Variants in EDIL3 observed in about 807,000 individuals in gnomAD.
The protein encoded by EDIL3 is EGF-like repeat and discoidin I-like domain-containing protein 3.
EDIL3 carries 37 observed loss-of-function variants against 67.4 expected under a neutral mutation model. The ratio of observed to expected loss-of-function variants is 0.55; its 90% confidence interval spans 0.42 to 0.72. EDIL3 has a LOEUF of 0.72. Among genes scored for constraint, EDIL3 ranks in the 30% least tolerant of loss-of-function variants. The probability of loss-of-function intolerance (pLI) is 0.00; values close to 1 mark genes in which losing one functional copy is unlikely to be tolerated. For missense variants in EDIL3, 527 were observed against 586.3 expected (o/e 0.90, Z 1.04); for synonymous variants, 195 against 196.3 (o/e 0.99, Z 0.05).
intron 4 of EDIL3, among the ~76,000 whole-genome samples, chr5:84,153,797 A>C (rs1217231885): frequency 6.6e-6 from 1 of 152,178 alleles, no homozygotes; most frequent in Non-Finnish European, 1.5e-5. Context: ...TTTGATTTAC[A>C]TTTTACAACA....
At chr5:84,207,665 A>C (rs1235858868) in intron 3 of EDIL3, among the ~76,000 whole-genome samples, 1 of 151,966 alleles carries the variant, frequency 6.6e-6, no homozygotes, top group Non-Finnish European at 1.5e-5. Flanking sequence ...GGCTACAGTA[A>C]CCAAAACAGC....
chr5:84,143,240 A>G (rs1184963358), intron 4 of EDIL3, among the ~76,000 whole-genome samples: 4 of 152,052 alleles, frequency 2.6e-5, no homozygotes, highest in Admixed American at 2.0e-4. Context: ...AGTTTAGTAT[A>G]TATTTGAATC....
At chr5:84,171,167 G>A (rs1274412965) in intron 4 of EDIL3, among the ~76,000 whole-genome samples, 2 of 152,078 alleles carry the variant, frequency 1.3e-5, no homozygotes, top group African/African-American at 2.4e-5. Flanking sequence ...CTGGCAAAAT[G>A]CATCTAACAT....
At chr5:84,355,537 G>C (rs879618102) in intron 1 of EDIL3, among the ~76,000 whole-genome samples, 8 of 151,974 alleles carry the variant, frequency 5.3e-5, no homozygotes, top group Non-Finnish European at 1.2e-4. Context: ...TTACCAATCA[G>C]GCCCCTCTGC....
chr5:84,112,875 C>T (rs116639801), intron 5 of EDIL3, among the ~76,000 whole-genome samples: 1,537 of 152,222 alleles, frequency 0.01, 29 homozygotes, highest in African/African-American at 0.036. Flanking sequence ...GGTAAATAAA[C>T]AATACAAATG....
chr5:84,384,860 A>C lies in EDIL3; in HGVS notation c.-486T>G, dbSNP rs1341632425. ...GGGCCGCCGGGAGCGCACTGTGTACAAACAGAGGCGGCGTGCGTGTGAGTC... is the reference window on the plus strand; with the variant it reads ...GGGCCGCCGGGAGCGCACTGTGTACCAACAGAGGCGGCGTGCGTGTGAGTC... On this transcript the variant is annotated 5_prime_UTR_variant, in exon 1 of 11. Transcript: ENST00000296591. The C allele has an allele frequency of 1.3e-5, 2 of 152,266 alleles. No individual in the cohort carries two copies. The highest frequency in any genetic ancestry group is 1.5e-5 in the Non-Finnish European group (1 of 68,220). The allele number at this position is 152,266 out of a possible 1,614,324, so 9.4% of individuals were successfully genotyped here.
At chr5:83,959,226 A>AAT (rs1244420410) in intron 10 of EDIL3, among the ~76,000 whole-genome samples, 1 of 147,622 alleles carries the variant, frequency 6.8e-6, no homozygotes, top group Non-Finnish European at 1.5e-5. Context: ...ATATACATAT[A>AAT]ATATATATAC....
intron 1 of EDIL3, among the ~76,000 whole-genome samples, chr5:84,313,669 A>T (rs576161422): frequency 5.5e-4 from 84 of 152,340 alleles, no homozygotes; most frequent in African/African-American, 2.0e-3. Flanking sequence ...GGCTTCAATT[A>T]CACATCAGTC....
chr5:84,034,901 G>T (rs192212920), intron 9 of EDIL3, among the ~76,000 whole-genome samples: 1 of 152,022 alleles, frequency 6.6e-6, no homozygotes, highest in Non-Finnish European at 1.5e-5. Context: ...CGAGTCTCAC[G>T]GTATAAATCC....
At chr5:84,106,511 T>C in intron 6 of EDIL3, 138 bp downstream of exon 6, 1 of 1,052,942 alleles carries the variant, frequency 9.5e-7, no homozygotes, top group African/African-American at 1.6e-5. Flanking sequence ...GGAGCTAATT[T>C]GAACTCTTCA....
intron 3 of EDIL3, among the ~76,000 whole-genome samples, chr5:84,204,594 G>C (rs1743917966): frequency 6.6e-6 from 1 of 151,694 alleles, no homozygotes; most frequent in African/African-American, 2.4e-5. Context: ...TCCATATCTA[G>C]GTATACATAC....
At chr5:84,332,144 G>A (rs1327667243) in intron 1 of EDIL3, among the ~76,000 whole-genome samples, 1 of 152,140 alleles carries the variant, frequency 6.6e-6, no homozygotes, top group African/African-American at 2.4e-5. Flanking sequence ...CAAGGTGGGA[G>A]GATCGCTTGA....
At chr5:84,348,593 CAAA>C (rs34145102) in intron 1 of EDIL3, among the ~76,000 whole-genome samples, 2,040 of 139,146 alleles carry the variant, frequency 0.015, 55 homozygotes, top group African/African-American at 0.051. Flanking sequence ...TCCTCTGTGG[CAAA>C]AAAAAAAAAA....
chr5:84,223,938 CCT>C (rs935011232), intron 3 of EDIL3, among the ~76,000 whole-genome samples: 1 of 150,704 alleles, frequency 6.6e-6, no homozygotes, highest in African/African-American at 2.4e-5. Context: ...CTGAAAAATC[CCT>C]TTTTAATATT....
chr5:83,995,392 CCA>C (rs1275448256), intron 9 of EDIL3, among the ~76,000 whole-genome samples: 2 of 152,072 alleles, frequency 1.3e-5, no homozygotes, highest in African/African-American at 2.4e-5. Flanking sequence ...TGTAATGTCC[CCA>C]CATGGTACTG....
chr5:84,043,398 G>C (rs962608389), intron 9 of EDIL3, among the ~76,000 whole-genome samples: 4 of 152,158 alleles, frequency 2.6e-5, no homozygotes, highest in African/African-American at 9.7e-5. Context: ...GGTTTACACA[G>C]ATATGAACAA....
chr5:84,146,690 G>A (rs1408479212), intron 4 of EDIL3, among the ~76,000 whole-genome samples: 3 of 151,970 alleles, frequency 2.0e-5, no homozygotes, highest in Non-Finnish European at 4.4e-5. Flanking sequence ...ACTTGCTTAT[G>A]TAAAAATGAA....
At chr5:84,202,992 G>C (rs1337560188) in intron 3 of EDIL3, among the ~76,000 whole-genome samples, 3 of 152,138 alleles carry the variant, frequency 2.0e-5, no homozygotes, top group Non-Finnish European at 2.9e-5. Context: ...AGACTGGAAA[G>C]ACTATATTCA....
intron 9 of EDIL3, among the ~76,000 whole-genome samples, chr5:83,968,363 A>T (rs1054620770): frequency 2.0e-5 from 3 of 152,080 alleles, no homozygotes; most frequent in African/African-American, 7.2e-5. Flanking sequence ...TACTAAAAAA[A>T]TTTTAATTTT....
Sources: gnomAD v4.1 joint callset for allele counts (sites outside exome capture counted in the v4.1 genomes callset) on GRCh38, gnomAD v4.1.1 for gene constraint, MANE v1.5 for transcripts, NCBI Gene and HGNC (gene_info 2026-07-23, HGNC 2026-07-21) for gene names.